Variants in BLTP1 observed in about 807,000 individuals in gnomAD.
BLTP1 encodes the protein bridge-like lipid transfer protein family member 1.
chr4:122,299,023 C>T, the BLTP1 span: 1 of 985,328 alleles, frequency 1.0e-6, no homozygotes, highest in South Asian at 4.7e-5. Flanking sequence ...CAGGAAAAGA[C>T]TGAGGGTCAG....
chr4:122,219,390 C>T, the BLTP1 span: 1 of 1,614,068 alleles, frequency 6.2e-7, no homozygotes, highest in Non-Finnish European at 8.5e-7. Context: ...AAGAGGTTAT[C>T]TCAAGTCCTG....
At chr4:122,160,048 C>T in the BLTP1 span, among the ~76,000 whole-genome samples, 1 of 152,098 alleles carries the variant, frequency 6.6e-6, no homozygotes, top group African/African-American at 2.4e-5. Context: ...CTTGAATAAA[C>T]AGAATAGGAC....
chr4:122,166,836 A>G, the BLTP1 span, among the ~76,000 whole-genome samples: 4 of 152,292 alleles, frequency 2.6e-5, no homozygotes, highest in East Asian at 1.9e-4. Context: ...CTTTGAAGCA[A>G]TTGTGAATGG....
chr4:122,350,569 T>G, the BLTP1 span: 1 of 173,540 alleles, frequency 5.8e-6, no homozygotes, highest in South Asian at 1.9e-4. Flanking sequence ...CATAATAAAT[T>G]TACTAACTAA....
the BLTP1 span, chr4:122,277,149 A>C: frequency 3.7e-6 from 3 of 819,872 alleles, no homozygotes; most frequent in Non-Finnish European, 4.4e-6. Context: ...CCAGCCTGAG[A>C]AATATAATGA....
chr4:122,232,017 C>T, the BLTP1 span: 3 of 966,462 alleles, frequency 3.1e-6, no homozygotes, highest in African/African-American at 5.3e-5. Flanking sequence ...TAGTGTGAAC[C>T]AAATGCCTGT....
chr4:122,190,536 ATC>A, the BLTP1 span: 3 of 738,714 alleles, frequency 4.1e-6, no homozygotes. Context: ...TCTGAAAAAT[ATC>A]TGTGTCATTT....
chr4:122,272,368 G>A, the BLTP1 span: 1 of 1,612,762 alleles, frequency 6.2e-7, no homozygotes, highest in Non-Finnish European at 8.5e-7. Context: ...AACTGAAGAG[G>A]ATCCATGGCA....
chr4:122,256,771 T>C, the BLTP1 span: 1 of 449,790 alleles, frequency 2.2e-6, no homozygotes, highest in Non-Finnish European at 2.9e-6. Flanking sequence ...CAGTTACAAA[T>C]TCATCTATGT....
the BLTP1 span, among the ~76,000 whole-genome samples, chr4:122,279,445 G>A: frequency 2.6e-5 from 4 of 152,014 alleles, no homozygotes; most frequent in South Asian, 4.1e-4. Context: ...GCTATAATTC[G>A]CCCAAACTTC....
At chr4:122,188,014 T>C in the BLTP1 span, 574 of 1,590,312 alleles carry the variant, frequency 3.6e-4, 2 homozygotes, top group African/African-American at 7.1e-3. Flanking sequence ...TCATGCATAT[T>C]GTGAAAGGAA....
chr4:122,234,241 A>AT, the BLTP1 span: 1 of 549,800 alleles, frequency 1.8e-6, no homozygotes, highest in Non-Finnish European at 2.3e-6. Context: ...CCTCGATATT[A>AT]TTTTTCTCTA....
chr4:122,194,154 G>A, the BLTP1 span, among the ~76,000 whole-genome samples: 3 of 152,152 alleles, frequency 2.0e-5, no homozygotes, highest in African/African-American at 7.2e-5. Context: ...GAGCCACTGC[G>A]CCCGGCCTCA....
the BLTP1 span, chr4:122,247,508 G>T: frequency 1.9e-6 from 2 of 1,039,516 alleles, no homozygotes; most frequent in Non-Finnish European, 2.7e-6. Context: ...TGAACACGTG[G>T]TATTTAGCTA....
chr4:122,328,653 G>A, the BLTP1 span: 6 of 982,614 alleles, frequency 6.1e-6, no homozygotes, highest in Admixed American at 6.2e-5. Flanking sequence ...TTAAAGGAGA[G>A]GGCTGTATTC....
chr4:122,316,535 ACT>A, the BLTP1 span: 2 of 626,698 alleles, frequency 3.2e-6, no homozygotes, highest in Admixed American at 4.5e-5. Flanking sequence ...TGCAGAGCAC[ACT>A]CATGGGGAAA....
chr4:122,279,940 A>G, the BLTP1 span: 5 of 1,614,156 alleles, frequency 3.1e-6, no homozygotes, highest in East Asian at 2.2e-5. Context: ...CTCACCAACT[A>G]TCTAAACAAA....
the BLTP1 span, chr4:122,247,011 T>C: frequency 1.5e-6 from 2 of 1,292,310 alleles, no homozygotes; most frequent in African/African-American, 3.0e-5. Context: ...ATAGTATCTT[T>C]CAGTAAACAT....
the BLTP1 span, among the ~76,000 whole-genome samples, chr4:122,223,539 G>C: frequency 1.3e-5 from 2 of 152,142 alleles, no homozygotes; most frequent in African/African-American, 4.8e-5. Flanking sequence ...GATAAATATT[G>C]AGAACATTAA....
Sources: allele counts gnomAD v4.1 joint callset (sites outside exome capture counted in the v4.1 genomes callset), GRCh38; gene constraint gnomAD v4.1.1; transcripts MANE v1.5; gene names NCBI Gene and HGNC (gene_info 2026-07-23, HGNC 2026-07-21).